CNTN5: variants seen among roughly 807,000 people sequenced by gnomAD.
CNTN5 encodes the protein contactin 5.
In CNTN5, 77 loss-of-function variants were observed where a neutral mutation model predicts 129.1. That is an observed-to-expected ratio of 0.60 (90% CI 0.50 to 0.72). The LOEUF (loss-of-function observed/expected upper bound fraction) is 0.72, where lower values mean the gene tolerates loss of function less well. CNTN5 is among the 30% of genes least tolerant of loss of function. The pLI is 0.00. For synonymous variants in CNTN5, 509 were observed against 465.6 expected (o/e 1.09, Z -1.20); for missense variants, 1,478 against 1,328.8 (o/e 1.11, Z -1.75).
chr11:99,422,288 T>G (rs1173764651), intron 2 of CNTN5, among the ~76,000 whole-genome samples: 1 of 151,894 alleles, frequency 6.6e-6, no homozygotes, highest in Non-Finnish European at 1.5e-5. Context: ...GTGAAAAGCT[T>G]GATATTTTTG....
At chr11:100,061,879 C>G (rs1376611928) in intron 10 of CNTN5, among the ~76,000 whole-genome samples, 3 of 152,186 alleles carry the variant, frequency 2.0e-5, no homozygotes, top group African/African-American at 7.2e-5. Context: ...GACCAGCTGA[C>G]TTGCAAAGAC....
At chr11:99,766,110 T>A (rs928494242) in intron 3 of CNTN5, among the ~76,000 whole-genome samples, 1 of 152,076 alleles carries the variant, frequency 6.6e-6, no homozygotes, top group Non-Finnish European at 1.5e-5. Flanking sequence ...TATTTTATTA[T>A]GATTTAGCTA....
chr11:99,720,518 C>T (rs941876320), intron 3 of CNTN5, among the ~76,000 whole-genome samples: 1 of 151,794 alleles, frequency 6.6e-6, no homozygotes, highest in Non-Finnish European at 1.5e-5. Flanking sequence ...CTCAAAAAGC[C>T]TTCTATGACA....
At chr11:99,268,769 A>G (rs1353435474) in intron 1 of CNTN5, among the ~76,000 whole-genome samples, 1 of 152,020 alleles carries the variant, frequency 6.6e-6, no homozygotes, top group Non-Finnish European at 1.5e-5. Context: ...GTGTAGTTAC[A>G]TAATTCCTTT....
At chr11:100,054,554 A>G (rs1418408839) in intron 9 of CNTN5, among the ~76,000 whole-genome samples, 1 of 151,810 alleles carries the variant, frequency 6.6e-6, no homozygotes, top group Non-Finnish European at 1.5e-5. Flanking sequence ...GCTCTCAAGG[A>G]TGACAGTTTT....
chr11:99,477,826 A>G (rs1158584331), intron 2 of CNTN5, among the ~76,000 whole-genome samples: 4 of 152,016 alleles, frequency 2.6e-5, no homozygotes, highest in Admixed American at 1.3e-4. Flanking sequence ...AAAAATAAAA[A>G]GAAGCTGAAT....
intron 14 of CNTN5, among the ~76,000 whole-genome samples, chr11:100,192,948 T>C (rs1440909251): frequency 6.6e-6 from 1 of 151,974 alleles, no homozygotes; most frequent in African/African-American, 2.4e-5. Context: ...TCCTAAAAGC[T>C]TTTTGTCGAG....
At chr11:99,571,027 C>G (rs1031359761) in intron 3 of CNTN5, among the ~76,000 whole-genome samples, 5 of 152,086 alleles carry the variant, frequency 3.3e-5, no homozygotes, top group African/African-American at 1.2e-4. Flanking sequence ...GACAAAGAGT[C>G]TGTGACAAGA....
chr11:100,334,765 TG>T lies in CNTN5; in HGVS notation c.2731-5694del, dbSNP rs769183040. 1.1e-4 allele frequency among the ~76,000 whole-genome samples: 16 copies of T among 152,080 alleles called. 1 individual carries two copies. The East Asian group carries it at 1.2e-3, about 11-fold the overall frequency. On this transcript the variant is annotated intron_variant, in intron 21 of 24. Transcript: ENST00000524871. ...GTTATAAGAATGACATGTTAGACTTTGGGGATTCAGGAGGAATGGTAATGGG... is the reference window on the plus strand; with the variant it reads ...GTTATAAGAATGACATGTTAGACTTTGGGATTCAGGAGGAATGGTAATGGG...
intron 7 of CNTN5, among the ~76,000 whole-genome samples, chr11:99,946,060 C>A (rs1253885182): frequency 6.6e-6 from 1 of 152,068 alleles, no homozygotes; most frequent in African/African-American, 2.4e-5. Context: ...GTCACAATTT[C>A]TTTGGGTGAT....
chr11:99,227,000 C>A (rs947323740), intron 1 of CNTN5, among the ~76,000 whole-genome samples: 3 of 152,234 alleles, frequency 2.0e-5, no homozygotes, highest in Admixed American at 2.0e-4. Flanking sequence ...ATCACAGTAT[C>A]ATTCACATAG....
At chr11:99,511,449 A>T (rs377541586) in intron 2 of CNTN5, among the ~76,000 whole-genome samples, 7,876 of 150,104 alleles carry the variant, frequency 0.052, 207 homozygotes, top group South Asian at 0.068. Flanking sequence ...TGCTGAGGAG[A>T]GCTTTACTTC....
intron 1 of CNTN5, among the ~76,000 whole-genome samples, chr11:99,123,172 A>T (rs982045697): frequency 6.6e-6 from 1 of 152,108 alleles, no homozygotes; most frequent in Admixed American, 6.6e-5. Flanking sequence ...CCAGTGTATA[A>T]TAAGTGTTCC....
chr11:99,702,138 ATAT>A (rs1178600110), intron 3 of CNTN5, among the ~76,000 whole-genome samples: 2 of 151,184 alleles, frequency 1.3e-5, no homozygotes, highest in African/African-American at 4.8e-5. Context: ...CAAGAAGAAG[ATAT>A]TATGCAAATG....
intron 9 of CNTN5, among the ~76,000 whole-genome samples, chr11:100,034,507 G>A (rs760355326): frequency 3.9e-5 from 6 of 152,056 alleles, no homozygotes; most frequent in Non-Finnish European, 7.4e-5. Flanking sequence ...CTTTTACTTC[G>A]TATTCCTACC....
chr11:100,291,788 A>ATAT (rs1950983679), intron 18 of CNTN5, among the ~76,000 whole-genome samples: 1 of 52,534 alleles, frequency 1.9e-5, no homozygotes, highest in Non-Finnish European at 6.7e-5. Context: ...TAAATAAATA[A>ATAT]AAAATATAAA....
intron 9 of CNTN5, among the ~76,000 whole-genome samples, chr11:100,018,935 A>T (rs554193388): frequency 2.6e-5 from 4 of 151,998 alleles, no homozygotes; most frequent in African/African-American, 9.6e-5. Flanking sequence ...TTATGTGCTT[A>T]TTTGATAACT....
At chr11:100,331,443 A>C (rs1416815927) in intron 21 of CNTN5, among the ~76,000 whole-genome samples, 1 of 152,188 alleles carries the variant, frequency 6.6e-6, no homozygotes, top group Non-Finnish European at 1.5e-5. Flanking sequence ...GAAAGTCAAC[A>C]AAGAAACAAT....
chr11:99,203,066 G>A (rs1049767936), intron 1 of CNTN5, among the ~76,000 whole-genome samples: 11 of 151,882 alleles, frequency 7.2e-5, no homozygotes, highest in Non-Finnish European at 1.6e-4. Context: ...AGGGAGAAAG[G>A]GAAGAAAGGA....
Sources: gnomAD v4.1 joint callset for allele counts (sites outside exome capture counted in the v4.1 genomes callset) on GRCh38, gnomAD v4.1.1 for gene constraint, MANE v1.5 for transcripts, NCBI Gene and HGNC (gene_info 2026-07-23, HGNC 2026-07-21) for gene names.